Variants in CSMD2 observed in about 807,000 individuals in gnomAD.
CSMD2 encodes the protein CUB and sushi domain-containing protein 2.
A neutral mutation model predicts 398.5 loss-of-function variants in CSMD2; 130 were observed. The observed-to-expected ratio is 0.33, with a 90% CI of 0.28 to 0.38. CSMD2 has a LOEUF of 0.38. Among genes scored for constraint, CSMD2 ranks in the 10% least tolerant of loss-of-function variants. The pLI is 1.00. For missense variants in CSMD2, 3,829 were observed against 4,764.9 expected, an observed-to-expected ratio of 0.80 and a Z score of 5.78; for synonymous variants, 1,828 against 1,908.5, an observed-to-expected ratio of 0.96 and a Z score of 1.10.
chr1:33,731,023 C>T (rs538870082), intron 15 of CSMD2, among the ~76,000 whole-genome samples: 1 of 152,090 alleles, frequency 6.6e-6, no homozygotes, highest in Non-Finnish European at 1.5e-5. Context: ...AGAAAATGTA[C>T]AAGATGATGT....
At chr1:33,540,826 G>A (rs1253794713) in intron 59 of CSMD2, 128 bp from the exon 60 acceptor site, 2 of 1,035,926 alleles carry the variant, frequency 1.9e-6, no homozygotes, top group Non-Finnish European at 2.8e-6. Context: ...GAACCAGAAT[G>A]GGGCCCTCTT....
intron 12 of CSMD2, among the ~76,000 whole-genome samples, chr1:33,782,833 T>C (rs1652962711): frequency 6.6e-6 from 1 of 152,194 alleles, no homozygotes; most frequent in Non-Finnish European, 1.5e-5. Context: ...TCGGATGTCA[T>C]GTAGAAAACG....
intron 25 of CSMD2, among the ~76,000 whole-genome samples, chr1:33,678,679 G>A (rs1023791424): frequency 7.2e-5 from 11 of 152,074 alleles, no homozygotes; most frequent in African/African-American, 2.2e-4. Flanking sequence ...TAAGCTGACC[G>A]AGCTGCAAAC....
At chr1:33,918,595 T>A (rs1182861637) in intron 4 of CSMD2, among the ~76,000 whole-genome samples, 1 of 152,144 alleles carries the variant, frequency 6.6e-6, no homozygotes, top group African/African-American at 2.4e-5. Flanking sequence ...CAGAGACATA[T>A]GAACGTGCAA....
At chr1:33,796,368 T>C (rs1654948461) in intron 10 of CSMD2, among the ~76,000 whole-genome samples, 1 of 152,216 alleles carries the variant, frequency 6.6e-6, no homozygotes, top group Non-Finnish European at 1.5e-5. Flanking sequence ...ATTGTGAAGA[T>C]TTCATTTTAA....
At chr1:33,824,190 C>A (rs1658518419) in intron 7 of CSMD2, among the ~76,000 whole-genome samples, 1 of 152,166 alleles carries the variant, frequency 6.6e-6, no homozygotes, top group South Asian at 2.1e-4. Context: ...GGCTCCAGGG[C>A]AAACTGTGAA....
At chr1:34,064,098 A>G (rs1199324171) in intron 2 of CSMD2, among the ~76,000 whole-genome samples, 1 of 152,198 alleles carries the variant, frequency 6.6e-6, no homozygotes, top group East Asian at 1.9e-4. Flanking sequence ...AAAACCACGT[A>G]TTCCTCCCGG....
Position 34,055,485 on chromosome 1 carries a change from G to A in CSMD2, c.405-22779C>T, listed in dbSNP as rs1157319122. Among the ~76,000 whole-genome samples, 3 of 152,080 alleles carry A rather than the reference G, an allele frequency of 2.0e-5. No individual in the cohort carries two copies. The East Asian group carries it at 5.8e-4, about 29-fold the overall frequency. On this transcript the variant is annotated intron_variant, in intron 2 of 70. Coordinates refer to ENST00000373381, the MANE Select transcript of CSMD2 (RefSeq NM_001281956.2). ...TTTTACCTTTACTTCTGACCAACTG[G>A]CTGTAAAGCAAGATTCCCAGGACCC...
intron 15 of CSMD2, among the ~76,000 whole-genome samples, chr1:33,737,201 T>C (rs1295866581): frequency 6.6e-6 from 1 of 152,204 alleles, no homozygotes. Flanking sequence ...TTTCGTGTTG[T>C]TTCTCTAACT....
intron 44 of CSMD2, among the ~76,000 whole-genome samples, chr1:33,591,204 T>C (rs1296461134): frequency 6.6e-6 from 1 of 152,072 alleles, no homozygotes; most frequent in African/African-American, 2.4e-5. Flanking sequence ...GTCAGGCTGG[T>C]CTAGAACTGC....
intron 10 of CSMD2, among the ~76,000 whole-genome samples, chr1:33,806,791 G>T (rs917140761): frequency 6.6e-6 from 1 of 152,148 alleles, no homozygotes; most frequent in African/African-American, 2.4e-5. Flanking sequence ...TCAGTGAATG[G>T]ATTTAACAGA....
chr1:34,032,366 T>G (rs1213322596), intron 3 of CSMD2, among the ~76,000 whole-genome samples: 1 of 152,190 alleles, frequency 6.6e-6, no homozygotes, highest in Non-Finnish European at 1.5e-5. Flanking sequence ...TACCAGGCCC[T>G]CAGGATAAAC....
chr1:33,795,693 A>G (rs1654871207), intron 10 of CSMD2, among the ~76,000 whole-genome samples: 1 of 152,176 alleles, frequency 6.6e-6, no homozygotes, highest in Non-Finnish European at 1.5e-5. Flanking sequence ...CGTCTGTTTT[A>G]GCACTTACCT....
intron 3 of CSMD2, among the ~76,000 whole-genome samples, chr1:33,981,182 T>G (rs1646152144): frequency 6.6e-6 from 1 of 152,152 alleles, no homozygotes; most frequent in African/African-American, 2.4e-5. Context: ...TCTGCTCTGG[T>G]TGTTTTGCAG....
intron 5 of CSMD2, among the ~76,000 whole-genome samples, chr1:33,915,029 T>G (rs1643651243): frequency 6.6e-6 from 1 of 152,124 alleles, no homozygotes. Context: ...GTGTGGAAAC[T>G]GAGTCAGGGA....
At chr1:33,907,442 T>G (rs1643168595) in intron 5 of CSMD2, among the ~76,000 whole-genome samples, 1 of 152,072 alleles carries the variant, frequency 6.6e-6, no homozygotes, top group Non-Finnish European at 1.5e-5. Context: ...ATCATCATCT[T>G]AATGTGAGTG....
chr1:33,585,400 G>A (rs1639015502), intron 46 of CSMD2, among the ~76,000 whole-genome samples: 1 of 152,160 alleles, frequency 6.6e-6, no homozygotes, highest in Non-Finnish European at 1.5e-5. Context: ...ATCAGCACGG[G>A]GGCTGGGCTC....
chr1:34,131,686 C>T (rs1380338486), intron 1 of CSMD2, among the ~76,000 whole-genome samples: 1 of 152,186 alleles, frequency 6.6e-6, no homozygotes, highest in Non-Finnish European at 1.5e-5. Context: ...GAGTGGGGAT[C>T]CCTGAGGCCA....
At chr1:33,523,746 T>G (rs1186337353) in intron 66 of CSMD2, among the ~76,000 whole-genome samples, 1 of 152,216 alleles carries the variant, frequency 6.6e-6, no homozygotes, top group African/African-American at 2.4e-5. Flanking sequence ...GATAGTTCAA[T>G]GGGTGCAATA....
Sources: gnomAD v4.1 joint callset for allele counts (sites outside exome capture counted in the v4.1 genomes callset) on GRCh38, gnomAD v4.1.1 for gene constraint, MANE v1.5 for transcripts, NCBI Gene and HGNC (gene_info 2026-07-23, HGNC 2026-07-21) for gene names.